Variants in LRP2 observed in about 807,000 individuals in gnomAD.
LRP2 encodes low-density lipoprotein receptor-related protein 2.
In LRP2, 172 loss-of-function variants were observed where a neutral mutation model predicts 531.0. The observed-to-expected ratio is 0.32, with a 90% confidence interval of 0.29 to 0.37. The LOEUF is 0.37. Ranked by LOEUF, LRP2 falls within the 10% of genes least tolerant of loss-of-function variation. The pLI is 1.00. For synonymous variants in LRP2, 1,992 were observed against 2,027.6 expected, an observed-to-expected ratio of 0.98 and a Z score of 0.47; for missense variants, 5,167 against 5,868.3, an observed-to-expected ratio of 0.88 and a Z score of 3.90.
intron 62 of LRP2, among the ~76,000 whole-genome samples, chr2:169,163,641 G>A (rs1430126668): frequency 6.6e-6 from 1 of 151,986 alleles, no homozygotes; most frequent in East Asian, 1.9e-4. Context: ...GAAGCAAACA[G>A]ATCAAATGCC....
chr2:169,166,836 TACATGTGGTCTTC>T (rs1686804985), intron 61 of LRP2, among the ~76,000 whole-genome samples: 1 of 152,190 alleles, frequency 6.6e-6, no homozygotes, highest in Non-Finnish European at 1.5e-5. Context: ...GAACTCAACA[TACATGTGGTCTTC>T]ACATGTGGTC....
intron 60 of LRP2, 149 bp downstream of exon 60, chr2:169,169,553 A>G (rs934400749): frequency 1.6e-5 from 12 of 740,264 alleles, no homozygotes; most frequent in Non-Finnish European, 2.7e-5. Context: ...ATGATGACTT[A>G]GAACTCAGGT....
At chr2:169,339,248 T>G (rs1685500343) in intron 1 of LRP2, among the ~76,000 whole-genome samples, 1 of 152,194 alleles carries the variant, frequency 6.6e-6, no homozygotes, top group Non-Finnish European at 1.5e-5. Context: ...AAAGCTAATT[T>G]AATACAGAAA....
intron 3 of LRP2, among the ~76,000 whole-genome samples, chr2:169,315,086 GCT>G (rs1332958689): frequency 3.9e-5 from 6 of 152,082 alleles, no homozygotes; most frequent in African/African-American, 1.2e-4. Context: ...GCAATTAAAA[GCT>G]CATTCAAATG....
Position 169,157,434 on chromosome 2 carries a change from C to CGTGG in LRP2, c.11955_11956insCCAC (p.Gly3986ProfsTer17). 2.0e-6 allele frequency: 3 copies of CGTGG among 1,533,310 alleles called. No homozygotes were observed. Among genetic ancestry groups the CGTGG allele is most frequent in the African/African-American group, 1.4e-5 (1 of 72,556 alleles). 95.0% of individuals were successfully genotyped at this position (1,533,310 alleles called of 1,614,324 possible). A position where few individuals can be genotyped will look rare whatever the true frequency, so the allele number is the denominator to read the frequency against. On this transcript the variant is annotated frameshift_variant, in exon 64 of 79. Transcript: ENST00000649046. LOFTEE classifies it high-confidence loss of function. Reference sequence around the variant, plus strand: ...CCAGCTGTACAGGAGCAGATAAATCCTCCTTCATTTAATTGGGTACAATTT... The same window carrying CGTGG: ...CCAGCTGTACAGGAGCAGATAAATCCGTGGTCCTTCATTTAATTGGGTACAATTT...
intron 3 of LRP2, among the ~76,000 whole-genome samples, chr2:169,310,996 T>C (rs534950099): frequency 6.6e-6 from 1 of 152,338 alleles, no homozygotes; most frequent in South Asian, 2.1e-4. Flanking sequence ...CATAGAGGTT[T>C]TTATAGTATT....
chr2:169,345,563 C>T (rs1685673398), intron 1 of LRP2, among the ~76,000 whole-genome samples: 1 of 152,000 alleles, frequency 6.6e-6, no homozygotes, highest in South Asian at 2.1e-4. Context: ...GTTCTAATCC[C>T]GAATGAGGTT....
In LRP2 at chr2:169,237,262, G is replaced by A. The variant is rs774238132; in HGVS notation, c.4532C>T (p.Thr1511Ile). The A allele has an allele frequency of 1.2e-6, 2 of 1,613,640 alleles. No individual in the cohort carries two copies. The highest frequency in any genetic ancestry group is 3.3e-5 in the Admixed American group (2 of 60,024). ...RVVFDSSIIL[T>I]ETIAIDWVGR... ...TACCCAATCTATTGCAATAGTTTCA[G>A]TCAAGATGATGCTACTGTCAAATAC... The change falls in exon 28 of 79, where the codon ACT becomes ATT. Residue 1511 changes from threonine to isoleucine, a missense_variant. Thr to Ile is a moderately conservative substitution (Grantham distance 89). This residue lies in a region of LRP2 where 2,811 missense variants were observed against 3,058.0 expected (regional missense o/e 0.92). Coordinates refer to ENST00000649046, the MANE Select transcript of LRP2 (RefSeq NM_004525.3).
chr2:169,148,948 C>T (rs1686023896), intron 68 of LRP2, among the ~76,000 whole-genome samples: 1 of 152,178 alleles, frequency 6.6e-6, no homozygotes, highest in African/African-American at 2.4e-5. Flanking sequence ...ACCAGTGGAT[C>T]CCAACCTTCA....
At chr2:169,362,257 G>A (rs1034432539) in intron 1 of LRP2, 64 bp downstream of exon 1, 5 of 1,419,934 alleles carry the variant, frequency 3.5e-6, no homozygotes, top group Non-Finnish European at 9.6e-7. Context: ...GGCCTCCCGC[G>A]GACCCGACCC....
chr2:169,138,699 T>C lies in LRP2; in HGVS notation c.13396A>G (p.Ser4466Gly), dbSNP rs766140183. The C allele has an allele frequency of 1.9e-6, 3 of 1,613,996 alleles. No individual in the cohort carries two copies. The highest frequency in any genetic ancestry group is 1.1e-5 in the South Asian group (1 of 91,074). ...CCATTTTCAGAGGGCTTGACGAGACTGCTTAAGCTGGAAAGAAGTAACCAA... is the reference window on the plus strand; with the variant it reads ...CCATTTTCAGAGGGCTTGACGAGACCGCTTAAGCTGGAAAGAAGTAACCAA... ...PALPKLPSLS[S>G]LVKPSENGNG... Residue 4466 changes from serine to glycine, a missense_variant, in exon 75 of 79, where the codon AGT becomes GGT. By Grantham distance (56) the Ser-to-Gly change is moderately conservative. Transcript: ENST00000649046.
At chr2:169,156,042 CT>C (rs1686318582) in intron 65 of LRP2, among the ~76,000 whole-genome samples, 1 of 151,870 alleles carries the variant, frequency 6.6e-6, no homozygotes, top group South Asian at 2.1e-4. Flanking sequence ...ACACCTGGCT[CT>C]TGTTTTAATT....
chr2:169,323,324 G>GA (rs1257158918), intron 1 of LRP2, among the ~76,000 whole-genome samples: 1 of 152,064 alleles, frequency 6.6e-6, no homozygotes, highest in Non-Finnish European at 1.5e-5. Flanking sequence ...TATCTCTCCA[G>GA]AAAAAACAAA....
Position 169,206,730 on chromosome 2 carries a change from G to T in LRP2, c.6990C>A (p.Asp2330Glu), listed in dbSNP as rs1688403565. 9.9e-6 allele frequency: 16 copies of T among 1,614,138 alleles called. No homozygotes were observed. The highest frequency in any genetic ancestry group is 1.4e-5 in the Non-Finnish European group (16 of 1,180,022). The change falls in exon 39 of 79, where the codon GAC becomes GAA. Residue 2330 changes from aspartate (D) to glutamate (E), a missense_variant. Around this residue, in one of 6 missense-constraint regions of LRP2, gnomAD observed 2,811 missense variants for 3,058.0 expected, o/e 0.92. Transcript: ENST00000649046. ...CTGGTGACCGGGGCTGGACTTGCTTGTCAAAGATGGTCACATCTCTTAGCC... is the reference window on the plus strand; with the variant it reads ...CTGGTGACCGGGGCTGGACTTGCTTTTCAAAGATGGTCACATCTCTTAGCC... ...INWLRDVTIF[D>E]KQVQPRSPAE...
In LRP2 at chr2:169,170,544, C is replaced by T. The variant is rs201291642; in HGVS notation, c.11380+7G>A. ...ATTCTATGGTAAGCTTCTCAAATGA[C>T]AGTTACCACAGTCCCGTTCATCTGA... On this transcript the variant is annotated splice_region_variant and intron_variant, in intron 59 of 78. Coordinates refer to ENST00000649046, the MANE Select transcript of LRP2 (RefSeq NM_004525.3). 4 of 1,604,182 alleles carry T rather than the reference C, an allele frequency of 2.5e-6. No homozygotes were observed. The highest frequency in any genetic ancestry group is 1.7e-5 in the Admixed American group (1 of 60,012).
rs578123304 is a variant in LRP2, at chr2:169,223,767, G to T, written c.5538+1543C>A. On this transcript the variant is annotated intron_variant, in intron 33 of 78. Coordinates refer to ENST00000649046, the MANE Select transcript of LRP2 (RefSeq NM_004525.3). The stretch of plus-strand genomic sequence containing the variant: ...TTTGAACCAGAGGAGCCTCCAAGGG[G>T]CCCTTCATGTTAACACCTGATAATT... 3.3e-5 allele frequency among the ~76,000 whole-genome samples: 5 copies of T among 152,212 alleles called. No individual in the cohort carries two copies. The East Asian group carries it at 9.7e-4, about 29-fold the overall frequency.
At position 169,160,856 on chromosome 2, in the gene LRP2, A is replaced by G. The variant is rs150384793; in HGVS notation, c.11887+1616T>C. Among the ~76,000 whole-genome samples, 139 of 152,296 alleles carry G rather than the reference A, an allele frequency of 9.1e-4. 1 individual carries two copies. In the East Asian group the frequency reaches 0.024, roughly 26 times the overall value. On this transcript the variant is annotated intron_variant, in intron 63 of 78. Transcript: ENST00000649046. ...TTTATCAAGTCACTTCATTCTGTCA[A>G]TAACTCCAAGTCCCACAGAAAACGT...
At position 169,308,429 on chromosome 2, in the gene LRP2, G is replaced by A. The variant is rs990762893; in HGVS notation, c.311-1032C>T. Among the ~76,000 whole-genome samples, 3 of 152,078 alleles carry A rather than the reference G, an allele frequency of 2.0e-5. No homozygotes were observed. In the East Asian group the frequency reaches 5.8e-4, roughly 29 times the overall value. On this transcript the variant is annotated intron_variant, in intron 3 of 78. Coordinates refer to ENST00000649046, the MANE Select transcript of LRP2 (RefSeq NM_004525.3). ...GATGTTCCCCATCCTGTGTCCAGGT[G>A]CTCTCATTGTTCAATTCCCACCTAT...
intron 9 of LRP2, among the ~76,000 whole-genome samples, chr2:169,287,699 A>G (rs976375681): frequency 6.6e-6 from 1 of 151,610 alleles, no homozygotes; most frequent in African/African-American, 2.4e-5. Flanking sequence ...GGCTATGAGT[A>G]GTTGTTAAGA....
Sources: allele counts gnomAD v4.1 joint callset (sites outside exome capture counted in the v4.1 genomes callset), GRCh38; gene constraint gnomAD v4.1.1; regional missense constraint gnomAD v4.1.1; transcripts MANE v1.5; gene names NCBI Gene and HGNC (gene_info 2026-07-23, HGNC 2026-07-21).